Variants in NBAS observed in about 807,000 individuals in gnomAD.
The protein encoded by NBAS is NAG/BC035112 fusion.
A neutral mutation model predicts 302.5 loss-of-function variants in NBAS; 219 were observed. The ratio of observed to expected loss-of-function variants is 0.72; its 90% CI spans 0.65 to 0.81. The LOEUF (loss-of-function observed/expected upper bound fraction) is 0.81. NBAS is among the 30% of genes least tolerant of loss of function. The pLI, the probability that NBAS is intolerant of heterozygous loss-of-function variation, is 0.00. For synonymous variants in NBAS, 1,118 were observed against 1,021.6 expected, an observed-to-expected ratio of 1.09 and a Z score of -1.80; for missense variants, 2,932 against 2,841.6, an observed-to-expected ratio of 1.03 and a Z score of -0.72.
At chr2:14,959,986 C>T in the NBAS span, among the ~76,000 whole-genome samples, 1 of 152,194 alleles carries the variant, frequency 6.6e-6, no homozygotes, top group Non-Finnish European at 1.5e-5. Flanking sequence ...GAAAATTCTA[C>T]TGTATTGACA....
At chr2:15,043,112 C>A in the NBAS span, among the ~76,000 whole-genome samples, 1 of 152,162 alleles carries the variant, frequency 6.6e-6, no homozygotes, top group South Asian at 2.1e-4. Context: ...GGCACTTTAC[C>A]ATTTACACAG....
the NBAS span, among the ~76,000 whole-genome samples, chr2:15,109,632 C>T: frequency 6.6e-6 from 1 of 152,052 alleles, no homozygotes; most frequent in Non-Finnish European, 1.5e-5. Context: ...GTGGTGAGCA[C>T]CCTCTTCCAG....
chr2:15,275,793 ATC>A lies in NBAS; in HGVS notation c.5413_5414del (p.Asp1805Ter). 1.2e-6 allele frequency: 2 copies of A among 1,613,892 alleles called. No homozygotes were observed. The highest frequency in any genetic ancestry group is 1.7e-6 in the Non-Finnish European group (2 of 1,180,008). On this transcript the variant is annotated frameshift_variant, in exon 44 of 52. Transcript: ENST00000281513. LOFTEE classifies it high-confidence loss of function. ...ASGLNYKKLT[D>X]ENMSPLEALE... ...ATGCTTCAAGAGGACTCATGTTTTC[ATC>A]TGTCAGCTTTTTGTAATTAAGACCT...
chr2:15,146,115 T>C, the NBAS span, among the ~76,000 whole-genome samples: 2 of 152,118 alleles, frequency 1.3e-5, no homozygotes, highest in African/African-American at 2.4e-5. Flanking sequence ...AGGGGCTGGC[T>C]GGCCTGGTAT....
chr2:14,917,883 G>A, the NBAS span, among the ~76,000 whole-genome samples: 2 of 152,232 alleles, frequency 1.3e-5, no homozygotes, highest in East Asian at 3.9e-4. Flanking sequence ...TCCAGGTAAA[G>A]GCACTCAATT....
chr2:15,378,691 C>T lies in NBAS; in HGVS notation c.3590+911G>A, dbSNP rs530925690. Among the ~76,000 whole-genome samples, 7 of 152,180 alleles carry T rather than the reference C, an allele frequency of 4.6e-5. No individual in the cohort carries two copies. In the East Asian group the frequency reaches 1.4e-3, roughly 29 times the overall value. On this transcript the variant is annotated intron_variant, in intron 30 of 51. Coordinates refer to ENST00000281513, the MANE Select transcript of NBAS (RefSeq NM_015909.4). ...AATTTCTCATGTAATTTACTGAAAA[C>T]GGAACTGAAAGTGAAAAACACAATG...
At chr2:15,107,225 T>TTCTC in the NBAS span, among the ~76,000 whole-genome samples, 1 of 151,210 alleles carries the variant, frequency 6.6e-6, no homozygotes, top group Non-Finnish European at 1.5e-5. Context: ...AGGGAGAGAA[T>TTCTC]TCTCTCTCTC....
the NBAS span, among the ~76,000 whole-genome samples, chr2:14,828,798 G>A: frequency 6.6e-6 from 1 of 152,162 alleles, no homozygotes; most frequent in Admixed American, 6.5e-5. Flanking sequence ...GATTAGAAGT[G>A]AAAAGATGAG....
the NBAS span, among the ~76,000 whole-genome samples, chr2:14,837,874 T>C: frequency 3.3e-5 from 5 of 152,032 alleles, no homozygotes; most frequent in African/African-American, 1.2e-4. Context: ...CACCTTTTAA[T>C]ATTGCCTTTA....
the NBAS span, among the ~76,000 whole-genome samples, chr2:14,908,935 C>T: frequency 6.6e-6 from 1 of 152,130 alleles, no homozygotes; most frequent in Non-Finnish European, 1.5e-5. Context: ...TAGAAAGATC[C>T]AGAAATGCAG....
At chr2:15,421,429 G>A (rs1238856797) in intron 23 of NBAS, among the ~76,000 whole-genome samples, 1 of 152,050 alleles carries the variant, frequency 6.6e-6, no homozygotes, top group Non-Finnish European at 1.5e-5. Context: ...ATATACCCTA[G>A]GTCCTGGCCA....
chr2:14,973,962 C>T, the NBAS span, among the ~76,000 whole-genome samples: 5 of 152,140 alleles, frequency 3.3e-5, no homozygotes, highest in South Asian at 2.1e-4. Context: ...CCATCTATAC[C>T]GTACAAATCA....
chr2:15,328,204 C>A lies in NBAS; in HGVS notation c.4456G>T (p.Ala1486Ser). Residue 1486 changes from alanine (A) to serine (S), a missense_variant, in exon 37 of 52, where the codon GCT (alanine) becomes TCT (serine). Coordinates refer to ENST00000281513, the MANE Select transcript of NBAS (RefSeq NM_015909.4). The stretch of plus-strand genomic sequence containing the variant: ...CCTAGACACGCTGTCCTTACCTCAG[C>A]GACAAAAGGATTTGAGATGACAGAT... ...YESVISNPFV[A>S]ESEGTYDTYQ... 6.2e-7 allele frequency: 1 copy of A among 1,612,984 alleles called. No homozygotes were observed. The highest frequency in any genetic ancestry group is 1.3e-5 in the African/African-American group (1 of 74,960).
At chr2:15,144,410 TGAAA>T in the NBAS span, among the ~76,000 whole-genome samples, 1 of 152,242 alleles carries the variant, frequency 6.6e-6, no homozygotes, top group Non-Finnish European at 1.5e-5. Flanking sequence ...GTTTGTTTCC[TGAAA>T]GAATGACTTT....
At chr2:15,199,896 ATTTTTT>A (rs35760010) in intron 48 of NBAS, among the ~76,000 whole-genome samples, 7 of 121,422 alleles carry the variant, frequency 5.8e-5, no homozygotes, top group Non-Finnish European at 8.6e-5. Context: ...AGAAAGCTGG[ATTTTTT>A]TTTTTTTTTT....
the NBAS span, among the ~76,000 whole-genome samples, chr2:15,072,229 A>G: frequency 2.6e-5 from 4 of 152,264 alleles, no homozygotes; most frequent in Non-Finnish European, 5.9e-5. Flanking sequence ...TTATTTACCA[A>G]GAAAAATACT....
At chr2:15,215,473 A>G (rs1445295276) in intron 48 of NBAS, among the ~76,000 whole-genome samples, 1 of 152,234 alleles carries the variant, frequency 6.6e-6, no homozygotes, top group Non-Finnish European at 1.5e-5. Flanking sequence ...TGGCAGCCAC[A>G]GTGAAAGTAG....
At chr2:15,267,975 G>A (rs988911609) in intron 44 of NBAS, among the ~76,000 whole-genome samples, 1 of 152,112 alleles carries the variant, frequency 6.6e-6, no homozygotes, top group African/African-American at 2.4e-5. Context: ...TATTATATGT[G>A]AGGTTTGGCT....
At chr2:15,275,019 G>A (rs1397773320) in intron 44 of NBAS, among the ~76,000 whole-genome samples, 2 of 151,740 alleles carry the variant, frequency 1.3e-5, no homozygotes, top group Non-Finnish European at 2.9e-5. Flanking sequence ...CTGATCTCAG[G>A]TAATCTGCCT....
Sources: gnomAD v4.1 joint callset for allele counts (sites outside exome capture counted in the v4.1 genomes callset) on GRCh38, gnomAD v4.1.1 for gene constraint, MANE v1.5 for transcripts, NCBI Gene and HGNC (gene_info 2026-07-23, HGNC 2026-07-21) for gene names.